VRK2: variants seen among roughly 807,000 people sequenced by gnomAD.
VRK2 encodes serine/threonine-protein kinase VRK2.
Under a neutral mutation model 57.6 loss-of-function variants are expected in VRK2, and 60 were observed. That is an observed-to-expected ratio of 1.04 (90% CI 0.85 to 1.29). The LOEUF (loss-of-function observed/expected upper bound fraction) is 1.29. Among genes scored for constraint, VRK2 ranks in the 50% most tolerant of loss-of-function variants. VRK2 has a pLI of 0.00. For synonymous variants in VRK2, 231 were observed against 199.2 expected, an observed-to-expected ratio of 1.16 and a Z score of -1.35; for missense variants, 705 against 588.1, an observed-to-expected ratio of 1.20 and a Z score of -2.06.
At chr2:57,923,292 T>G (rs2717009) in intron 1 of VRK2, among the ~76,000 whole-genome samples, 146,661 of 152,098 alleles carry the variant, frequency 0.96, 70,743 homozygotes, top group East Asian at 1. Context: ...CATTTTTTCT[T>G]AGGAACTTCC....
Position 58,088,337 on chromosome 2 carries a change from A to G in VRK2, c.345-4A>G, listed in dbSNP as rs746872746. ...GATCTCTTTTTGATGCTTTTTTCTTACAGTTACAGATTTATGGTAATGGAA... is the reference window on the plus strand; with the variant it reads ...GATCTCTTTTTGATGCTTTTTTCTTGCAGTTACAGATTTATGGTAATGGAA... On this transcript the variant is annotated splice_region_variant and splice_polypyrimidine_tract_variant and intron_variant, in intron 5 of 12. Transcript: ENST00000340157. 2 of 1,578,734 alleles carry G rather than the reference A, an allele frequency of 1.3e-6. No individual in the cohort carries two copies. Among genetic ancestry groups the G allele is most frequent in the Non-Finnish European group, 8.6e-7 (1 of 1,156,960 alleles).
intron 7 of VRK2, among the ~76,000 whole-genome samples, chr2:58,107,600 A>G (rs1375339817): frequency 6.6e-6 from 1 of 152,174 alleles, no homozygotes; most frequent in African/African-American, 2.4e-5. Context: ...AAAATTGTCT[A>G]AATTATAAGG....
intron 2 of VRK2, among the ~76,000 whole-genome samples, chr2:58,059,842 A>G (rs187197197): frequency 1.9e-4 from 29 of 151,922 alleles, no homozygotes; most frequent in African/African-American, 7.0e-4. Context: ...GTGTATATAT[A>G]TTTAGCAAGG....
chr2:58,000,807 G>C (rs966442409), intron 1 of VRK2, among the ~76,000 whole-genome samples: 1 of 152,122 alleles, frequency 6.6e-6, no homozygotes, highest in African/African-American at 2.4e-5. Flanking sequence ...CAACAGATAT[G>C]ATTTGACACC....
intron 3 of VRK2, among the ~76,000 whole-genome samples, chr2:58,038,937 C>A (rs946116818): frequency 2.6e-5 from 4 of 151,986 alleles, no homozygotes; most frequent in Non-Finnish European, 5.9e-5. Flanking sequence ...AACAAAAAAA[C>A]CCTAAATATC....
At chr2:57,964,099 C>G (rs1312770149) in intron 1 of VRK2, among the ~76,000 whole-genome samples, 1 of 152,062 alleles carries the variant, frequency 6.6e-6, no homozygotes, top group Non-Finnish European at 1.5e-5. Flanking sequence ...AGCCCCTTCC[C>G]CTCTCCCCCA....
intron 1 of VRK2, among the ~76,000 whole-genome samples, chr2:58,014,414 G>T (rs1029549311): frequency 1.2e-4 from 19 of 152,316 alleles, no homozygotes; most frequent in African/African-American, 3.1e-4. Context: ...ATGGGGAAAA[G>T]ATATTAAATA....
At chr2:58,010,921 T>A (rs952613140) in intron 1 of VRK2, among the ~76,000 whole-genome samples, 7 of 152,178 alleles carry the variant, frequency 4.6e-5, no homozygotes, top group African/African-American at 1.7e-4. Context: ...AGATTTCAAA[T>A]AAATGCTTTT....
At chr2:58,046,508 C>T (rs542563701), upstream of VRK2, 2,024 of 985,516 alleles carry the variant, frequency 2.1e-3, no homozygotes, top group Non-Finnish European at 2.3e-3. Context: ...AAATGCATGT[C>T]GTGCTTATTT....
intron 1 of VRK2, among the ~76,000 whole-genome samples, chr2:57,961,479 G>C (rs1384787320): frequency 6.6e-6 from 1 of 152,180 alleles, no homozygotes; most frequent in African/African-American, 2.4e-5. Context: ...GCATTGACAA[G>C]TCACACAGCT....
chr2:57,932,352 G>A (rs1343196398), intron 1 of VRK2, among the ~76,000 whole-genome samples: 1 of 152,006 alleles, frequency 6.6e-6, no homozygotes, highest in Non-Finnish European at 1.5e-5. Flanking sequence ...GGAGATTTTT[G>A]ATTACCTATT....
intron 1 of VRK2, among the ~76,000 whole-genome samples, chr2:57,937,829 T>C (rs1670964367): frequency 3.1e-4 from 1 of 3,184 alleles, no homozygotes; most frequent in Non-Finnish European, 9.5e-4. Context: ...TTATCTTTCT[T>C]TTTTTTTTTT....
chr2:58,036,910 C>T lies in VRK2; in HGVS notation c.-6+3357C>T, dbSNP rs530298655. 5.3e-5 allele frequency among the ~76,000 whole-genome samples: 8 copies of T among 151,982 alleles called. No homozygotes were observed. In the South Asian group the frequency reaches 1.0e-3, roughly 20 times the overall value. ...GAAACATAACTCATGAAGCCGGTAC[C>T]GAATTTTTCATTTTGCTTAATCTTA... On this transcript the variant is annotated intron_variant, in intron 3 of 15. Coordinates refer to the VRK2 transcript ENST00000417641.
intron 1 of VRK2, among the ~76,000 whole-genome samples, chr2:57,995,551 T>G (rs187998147): frequency 6.6e-6 from 1 of 152,214 alleles, no homozygotes; most frequent in Non-Finnish European, 1.5e-5. Flanking sequence ...CAGTCATTCT[T>G]TCAAATAAAA....
In VRK2 at chr2:58,086,026, G is replaced by A. The variant is rs570110596; in HGVS notation, c.257-313G>A. Among the ~76,000 whole-genome samples, 10 of 147,488 alleles carry A rather than the reference G, an allele frequency of 6.8e-5. No homozygotes were observed. In the South Asian group the frequency reaches 2.1e-3, roughly 31 times the overall value. On this transcript the variant is annotated intron_variant, in intron 4 of 12. Transcript: ENST00000340157. ...ACTGATCTTTTGGTGGTTAACATAT[G>A]TTATATTTAGAAATTTAGCTAGTAT...
At chr2:58,024,037 G>A (rs2103678943) in intron 1 of VRK2, among the ~76,000 whole-genome samples, 2 of 147,632 alleles carry the variant, frequency 1.4e-5, no homozygotes, top group South Asian at 4.2e-4. Flanking sequence ...GGAGTGCAGT[G>A]ACGCTGTCTC....
intron 8 of VRK2, among the ~76,000 whole-genome samples, chr2:58,127,277 C>T (rs1678502267): frequency 1.3e-5 from 2 of 152,140 alleles, no homozygotes; most frequent in South Asian, 4.1e-4. Flanking sequence ...AATGTATTTT[C>T]GTGCTACCAA....
At chr2:58,072,578 C>T (rs1049200968) in intron 2 of VRK2, among the ~76,000 whole-genome samples, 2 of 151,814 alleles carry the variant, frequency 1.3e-5, no homozygotes, top group African/African-American at 4.8e-5. Context: ...TTTTTGAATG[C>T]TGAACCAGCC....
intron 12 of VRK2, among the ~76,000 whole-genome samples, chr2:58,151,738 T>G (rs1474053433): frequency 2.2e-5 from 2 of 92,046 alleles, no homozygotes; most frequent in South Asian, 7.7e-4. Flanking sequence ...CTTGTTTTTT[T>G]TTTTTTTTTT....
Sources: gnomAD v4.1 joint callset for allele counts (sites outside exome capture counted in the v4.1 genomes callset) on GRCh38, gnomAD v4.1.1 for gene constraint, MANE v1.5 for transcripts, NCBI Gene and HGNC (gene_info 2026-07-23, HGNC 2026-07-21) for gene names.